The following EFCAB8 variants were observed in gnomAD, a reference collection of about 807,000 sequenced individuals.
The protein encoded by EFCAB8 is EF-hand calcium-binding domain-containing protein 8.
A neutral mutation model predicts 116.3 loss-of-function variants in EFCAB8; 100 were observed. That is an observed-to-expected ratio of 0.86 (90% CI 0.73 to 1.02). The LOEUF is 1.02. EFCAB8 is among the 50% of genes least tolerant of loss of function. EFCAB8 has a pLI of 0.00. For missense variants in EFCAB8, 1,320 were observed against 1,416.9 expected (o/e 0.93, Z 1.10); for synonymous variants, 558 against 567.9 (o/e 0.98, Z 0.25).
At chr20:32,890,147 G>C (rs969329068) in intron 7 of EFCAB8, among the ~76,000 whole-genome samples, 2 of 152,162 alleles carry the variant, frequency 1.3e-5, no homozygotes, top group African/African-American at 4.8e-5. Context: ...AGTGTGGTCT[G>C]TGAGGCCTTC....
At chr20:32,891,376 C>G (rs1985904734) in intron 7 of EFCAB8, among the ~76,000 whole-genome samples, 1 of 152,122 alleles carries the variant, frequency 6.6e-6, no homozygotes, top group African/African-American at 2.4e-5. Flanking sequence ...CGCTACCACA[C>G]CCAGCAAATT....
Position 32,893,255 on chromosome 20 carries a change from T to C in EFCAB8, c.840T>C (p.Ser280=). 1.3e-6 allele frequency: 2 copies of C among 1,551,972 alleles called. No homozygotes were observed. Among genetic ancestry groups the C allele is most frequent in the Non-Finnish European group, 1.7e-6 (2 of 1,147,054 alleles). ...TCTTCACCTCCGAAAACATGACCAG[T>C]GGGCTGTTCAACCCCCGTATCCTCC... ...VIVFTSENMT[S]GLFNPRILPR... The change falls in exon 9 of 27, where the codon AGT becomes AGC. Residue 280 remains serine (S), a synonymous_variant. Coordinates refer to ENST00000400522, the MANE Select transcript of EFCAB8 (RefSeq NM_001143967.2).
chr20:32,909,840 A>T lies in EFCAB8; in HGVS notation c.1466A>T (p.Tyr489Phe). The T allele has an allele frequency of 3.2e-6, 4 of 1,249,702 alleles. No individual in the cohort carries two copies. The highest frequency in any genetic ancestry group is 4.0e-6 in the Non-Finnish European group (4 of 988,060). 77.4% of individuals were successfully genotyped at this position (1,249,702 alleles called of 1,614,324 possible). The change falls in exon 15 of 27, where the codon TAC (tyrosine) becomes TTC (phenylalanine). Residue 489 changes from tyrosine to phenylalanine, a missense_variant. Transcript: ENST00000400522. ...STYSIGILKG[Y>F]LEAQGLIKAR... ...CTACAGATCGGGATCCTAAAAGGGT[A>T]CTTAGAGGCCCAGGGGCTTATCAAA... is the stretch of plus-strand genomic sequence containing the variant.
At chr20:32,887,567 T>TC (rs1985696137) in intron 6 of EFCAB8, among the ~76,000 whole-genome samples, 1 of 152,200 alleles carries the variant, frequency 6.6e-6, no homozygotes, top group Non-Finnish European at 1.5e-5. Flanking sequence ...AGAGCGAGAC[T>TC]CCGTCTCAAT....
intron 23 of EFCAB8, among the ~76,000 whole-genome samples, chr20:32,957,171 A>G (rs144946987): frequency 6.6e-6 from 1 of 151,974 alleles, no homozygotes; most frequent in African/African-American, 2.4e-5. Flanking sequence ...CCTTAATTTT[A>G]TTTAACATTA....
chr20:32,909,693 G>A (rs966323963), intron 14 of EFCAB8, 128 bp from the exon 15 acceptor site: 12 of 428,036 alleles, frequency 2.8e-5, no homozygotes, highest in Non-Finnish European at 4.1e-5. Context: ...GAGTCTTGCT[G>A]GAATCAGGCC....
intron 22 of EFCAB8, 133 bp downstream of exon 22, chr20:32,931,469 G>A: frequency 2.4e-6 from 3 of 1,234,984 alleles, no homozygotes; most frequent in East Asian, 5.6e-5. Context: ...GATAGAATTA[G>A]TATTCGTGGC....
At chr20:32,909,151 C>T (rs1186965499) in intron 14 of EFCAB8, among the ~76,000 whole-genome samples, 4 of 152,206 alleles carry the variant, frequency 2.6e-5, no homozygotes, top group African/African-American at 7.2e-5. Context: ...CCACCCTGGT[C>T]GGTGACATGT....
chr20:32,935,851 T>C (rs1988102436), intron 22 of EFCAB8, among the ~76,000 whole-genome samples: 1 of 152,112 alleles, frequency 6.6e-6, no homozygotes, highest in Non-Finnish European at 1.5e-5. Context: ...TATTGAGTTG[T>C]TTGAGTTTCT....
chr20:32,889,240 G>A, intron 6 of EFCAB8, 61 bp from the exon 7 acceptor site: 5 of 1,441,906 alleles, frequency 3.5e-6, no homozygotes, highest in Non-Finnish European at 3.8e-6. Context: ...GAGGTTCATG[G>A]GGAGCTGCAC....
intron 20 of EFCAB8, among the ~76,000 whole-genome samples, chr20:32,929,325 G>C (rs2146271980): frequency 6.6e-6 from 1 of 152,202 alleles, no homozygotes; most frequent in East Asian, 1.9e-4. Flanking sequence ...GGGCACAAGG[G>C]ACTTCTGGTT....
chr20:32,946,392 G>GGTTTTTT (rs1222700078), intron 23 of EFCAB8, among the ~76,000 whole-genome samples: 1 of 152,286 alleles, frequency 6.6e-6, no homozygotes, highest in South Asian at 2.1e-4. Flanking sequence ...CAGTGCAGCT[G>GGTTTTTT]GTTTTTTGTT....
chr20:32,873,512 T>C (rs571538940), intron 3 of EFCAB8, among the ~76,000 whole-genome samples: 1 of 151,992 alleles, frequency 6.6e-6, no homozygotes, highest in Non-Finnish European at 1.5e-5. Context: ...TGTTCCTCCT[T>C]TCTTCTCCCC....
In EFCAB8 at chr20:32,959,952, C is replaced by G. The variant is rs1476491853; in HGVS notation, c.3264C>G (p.Ser1088Arg). 3.9e-6 allele frequency: 6 copies of G among 1,551,692 alleles called. No individual in the cohort carries two copies. Among genetic ancestry groups the G allele is most frequent in the Non-Finnish European group, 5.2e-6 (6 of 1,146,974 alleles). The change falls in exon 25 of 27, where the codon AGC (serine) becomes AGG (arginine). Residue 1088 changes from serine (S) to arginine (R), a missense_variant. Physicochemically the swap from Ser to Arg is moderately radical, Grantham distance 110. Transcript: ENST00000400522. ...GCCCCCTGGAAGACATTGAGGACAG[C>G]TGGAACAAGTGGGAGTCCAGGGACA... ...GERPLEDIED[S>R]WNKWESRDKQ...
intron 23 of EFCAB8, among the ~76,000 whole-genome samples, chr20:32,950,562 C>T (rs985945466): frequency 2.0e-5 from 3 of 152,146 alleles, no homozygotes; most frequent in Non-Finnish European, 4.4e-5. Context: ...GAGAATTTAT[C>T]AGAGGCTTGG....
At chr20:32,910,242 G>A (rs1425929865) in intron 15 of EFCAB8, among the ~76,000 whole-genome samples, 1 of 152,236 alleles carries the variant, frequency 6.6e-6, no homozygotes, top group African/African-American at 2.4e-5. Context: ...GTATGAGACA[G>A]AGTGCTAGTT....
At chr20:32,920,678 T>C (rs1020378483) in intron 20 of EFCAB8, among the ~76,000 whole-genome samples, 1 of 152,164 alleles carries the variant, frequency 6.6e-6, no homozygotes, top group Non-Finnish European at 1.5e-5. Flanking sequence ...GTTACCTCCC[T>C]CTTGGTCCCT....
At position 32,893,267 on chromosome 20, in the gene EFCAB8, C is replaced by A. The variant is rs1315373785; in HGVS notation, c.852C>A (p.Asn284Lys). 6.4e-7 allele frequency: 1 copy of A among 1,551,902 alleles called. No individual in the cohort carries two copies. Among genetic ancestry groups the A allele is most frequent in the Admixed American group, 2.0e-5 (1 of 50,998 alleles). ...TSENMTSGLF[N>K]PRILPRASKW... ...AAAACATGACCAGTGGGCTGTTCAA[C>A]CCCCGTATCCTCCCCAGGGCCTCCA... is the stretch of plus-strand genomic sequence containing the variant. Residue 284 changes from asparagine to lysine, a missense_variant, in exon 9 of 27, where the codon AAC (asparagine) becomes AAA (lysine). Asn to Lys is a moderately conservative substitution (Grantham distance 94, BLOSUM62 0). Coordinates refer to ENST00000400522, the MANE Select transcript of EFCAB8 (RefSeq NM_001143967.2).
At chr20:32,924,012 C>T (rs1987571249) in intron 20 of EFCAB8, among the ~76,000 whole-genome samples, 1 of 152,162 alleles carries the variant, frequency 6.6e-6, no homozygotes, top group South Asian at 2.1e-4. Context: ...AATTATTGAG[C>T]TCTCAATATC....
Sources: allele counts gnomAD v4.1 joint callset (sites outside exome capture counted in the v4.1 genomes callset), GRCh38; gene constraint gnomAD v4.1.1; transcripts MANE v1.5; gene names NCBI Gene and HGNC (gene_info 2026-07-23, HGNC 2026-07-21).